Variants in SGCZ observed in about 807,000 individuals in gnomAD.
SGCZ encodes zeta-sarcoglycan.
In SGCZ, 40 loss-of-function variants were observed where a neutral mutation model predicts 41.3. The observed-to-expected ratio is 0.97, with a 90% CI of 0.75 to 1.26. The LOEUF is 1.26. SGCZ is among the 50% of genes most tolerant of loss of function. The pLI, the probability that SGCZ is intolerant of heterozygous loss-of-function variation, is 0.00. For missense variants in SGCZ, 552 were observed against 369.8 expected, an observed-to-expected ratio of 1.49 and a Z score of -4.04; for synonymous variants, 206 against 137.5, an observed-to-expected ratio of 1.50 and a Z score of -3.49.
intron 1 of SGCZ, among the ~76,000 whole-genome samples, chr8:15,226,202 C>T (rs2117196315): frequency 6.6e-6 from 1 of 152,314 alleles, no homozygotes; most frequent in South Asian, 2.1e-4. Context: ...TCCCTACTTA[C>T]TTAGCTGGCT....
At chr8:14,187,704 C>T (rs1237829726) in intron 4 of SGCZ, among the ~76,000 whole-genome samples, 1 of 151,824 alleles carries the variant, frequency 6.6e-6, no homozygotes, top group African/African-American at 2.4e-5. Flanking sequence ...AACTGCAGGA[C>T]ACCATTAAGA....
chr8:14,217,562 A>G (rs1160522998), intron 4 of SGCZ, among the ~76,000 whole-genome samples: 1 of 140,140 alleles, frequency 7.1e-6, no homozygotes, highest in East Asian at 2.0e-4. Flanking sequence ...CTCATAAACA[A>G]AAAAAGCACA....
At chr8:14,464,217 A>G (rs1172925073) in intron 2 of SGCZ, among the ~76,000 whole-genome samples, 1 of 151,634 alleles carries the variant, frequency 6.6e-6, no homozygotes, top group Non-Finnish European at 1.5e-5. Context: ...AATTTTGGGT[A>G]GAATCCACTG....
Position 14,659,260 on chromosome 8 carries a change from T to A in SGCZ, c.40-104334A>T, listed in dbSNP as rs373290644. ...TTTTGAGTGTCATCACCGCCAGAGATGATAAATGCTTAAAGTGCTGAATAT... is the reference window on the plus strand; with the variant it reads ...TTTTGAGTGTCATCACCGCCAGAGAAGATAAATGCTTAAAGTGCTGAATAT... On this transcript the variant is annotated intron_variant, in intron 1 of 7. Coordinates refer to ENST00000382080, the MANE Select transcript of SGCZ (RefSeq NM_139167.4). Among the ~76,000 whole-genome samples the A allele has an allele frequency of 1.6e-3, 246 of 152,260 alleles. 1 individual carries two copies. The South Asian group carries it at 0.018, about 11-fold the overall frequency.
In SGCZ at chr8:14,361,622, A is replaced by G. The variant is rs1348823407; in HGVS notation, c.235-37418T>C. Reference sequence around the variant, plus strand: ...TTTTAGCTTCCTTGCGATGGGTTAGAACATGCTCCGTTAGCTCAGAGAAGT... The same window carrying G: ...TTTTAGCTTCCTTGCGATGGGTTAGGACATGCTCCGTTAGCTCAGAGAAGT... On this transcript the variant is annotated intron_variant, in intron 2 of 7. Transcript: ENST00000382080. 2.6e-5 allele frequency among the ~76,000 whole-genome samples: 4 copies of G among 152,166 alleles called. No homozygotes were observed. The East Asian group carries it at 7.7e-4, about 29-fold the overall frequency.
intron 3 of SGCZ, among the ~76,000 whole-genome samples, chr8:14,241,847 A>G (rs1047833791): frequency 6.6e-6 from 1 of 152,228 alleles, no homozygotes; most frequent in Non-Finnish European, 1.5e-5. Context: ...AGATAAAAAT[A>G]ATGAAATATG....
intron 2 of SGCZ, among the ~76,000 whole-genome samples, chr8:14,471,975 C>T (rs970416929): frequency 1.3e-5 from 2 of 151,986 alleles, no homozygotes; most frequent in East Asian, 3.9e-4. Context: ...TTCCGAATCT[C>T]ATTTGTTTAC....
At chr8:15,092,461 A>G (rs1474775385) in intron 1 of SGCZ, among the ~76,000 whole-genome samples, 2 of 152,234 alleles carry the variant, frequency 1.3e-5, no homozygotes, top group African/African-American at 4.8e-5. Flanking sequence ...AAAAATTTTA[A>G]CAACAGCTAG....
chr8:14,354,932 G>T (rs1803239862), intron 2 of SGCZ, among the ~76,000 whole-genome samples: 1 of 151,690 alleles, frequency 6.6e-6, no homozygotes, highest in South Asian at 2.1e-4. Flanking sequence ...GAGCTGTAAG[G>T]ATCTGGATGT....
chr8:14,694,936 T>C (rs1018740813), intron 1 of SGCZ, among the ~76,000 whole-genome samples: 1 of 152,084 alleles, frequency 6.6e-6, no homozygotes, highest in Non-Finnish European at 1.5e-5. Context: ...TAATATAAAA[T>C]GAAAAGAAAA....
chr8:14,656,265 T>C (rs370502850), intron 1 of SGCZ, among the ~76,000 whole-genome samples: 16 of 152,190 alleles, frequency 1.1e-4, no homozygotes, highest in African/African-American at 3.6e-4. Flanking sequence ...TATATGTTGA[T>C]TGTTTTAGCC....
rs986080014 is a variant in SGCZ at position 14,374,502 on chromosome 8, T to C, written c.235-50298A>G. On this transcript the variant is annotated intron_variant, in intron 2 of 7. Transcript: ENST00000382080. ...TTTTCCAGTGAAATAAGAATGGTCATCTTCTGTGAATGAGACTAAAAGAAG... is the reference window on the plus strand; with the variant it reads ...TTTTCCAGTGAAATAAGAATGGTCACCTTCTGTGAATGAGACTAAAAGAAG... 2.6e-5 allele frequency among the ~76,000 whole-genome samples: 4 copies of C among 152,208 alleles called. No homozygotes were observed. The East Asian group carries it at 5.8e-4, about 22-fold the overall frequency.
chr8:14,896,436 CTT>C (rs1472633565), intron 1 of SGCZ, among the ~76,000 whole-genome samples: 3 of 141,292 alleles, frequency 2.1e-5, no homozygotes, highest in Admixed American at 6.8e-5. Context: ...TGATGGAAGA[CTT>C]TTATTTATTT....
chr8:15,128,335 C>T (rs1159913660), intron 1 of SGCZ, among the ~76,000 whole-genome samples: 1 of 152,210 alleles, frequency 6.6e-6, no homozygotes, highest in Non-Finnish European at 1.5e-5. Context: ...ATTTGGGGCC[C>T]ATTTATTCTC....
chr8:14,692,318 G>C (rs2117573888), intron 1 of SGCZ, among the ~76,000 whole-genome samples: 1 of 152,094 alleles, frequency 6.6e-6, no homozygotes, highest in South Asian at 2.1e-4. Context: ...ATATTGTTTA[G>C]GAAGCAGACA....
At chr8:14,775,402 C>G (rs1364318235) in intron 1 of SGCZ, among the ~76,000 whole-genome samples, 1 of 151,594 alleles carries the variant, frequency 6.6e-6, no homozygotes, top group Non-Finnish European at 1.5e-5. Flanking sequence ...ATTCACTTAC[C>G]TAATTATTTT....
chr8:14,823,055 TAAAAAAA>T (rs34307530), intron 1 of SGCZ, among the ~76,000 whole-genome samples: 2 of 75,488 alleles, frequency 2.6e-5, no homozygotes, highest in Admixed American at 1.7e-4. Flanking sequence ...CCAATCCTCA[TAAAAAAA>T]AAAAAAAAAA....
At chr8:14,450,615 C>T (rs1203656209) in intron 2 of SGCZ, among the ~76,000 whole-genome samples, 1 of 152,082 alleles carries the variant, frequency 6.6e-6, no homozygotes, top group Non-Finnish European at 1.5e-5. Context: ...TAGAATCAGA[C>T]CAATTTTTTA....
intron 1 of SGCZ, among the ~76,000 whole-genome samples, chr8:15,068,901 T>C (rs1805250922): frequency 6.6e-6 from 1 of 152,212 alleles, no homozygotes; most frequent in Non-Finnish European, 1.5e-5. Context: ...ATTAAGTTTA[T>C]GTGGTCTGTG....
Sources: allele counts gnomAD v4.1 joint callset (sites outside exome capture counted in the v4.1 genomes callset), GRCh38; gene constraint gnomAD v4.1.1; transcripts MANE v1.5; gene names NCBI Gene and HGNC (gene_info 2026-07-23, HGNC 2026-07-21).